Variants in LYPLAL1 observed in about 807,000 individuals in gnomAD.
LYPLAL1 encodes the protein lysophospholipase like 1, also known as lysophospholipase-like protein 1.
In LYPLAL1, 23 loss-of-function variants were observed where a neutral mutation model predicts 19.7. The ratio of observed to expected loss-of-function variants is 1.17; its 90% CI spans 0.84 to 1.65. The LOEUF is 1.65. LYPLAL1 is among the 40% of genes most tolerant of loss of function. LYPLAL1 has a pLI of 0.00. For missense variants in LYPLAL1, 355 were observed against 279.4 expected (o/e 1.27, Z -1.93); for synonymous variants, 119 against 96.3 (o/e 1.24, Z -1.38).
At chr1:219,283,627 T>G in the LYPLAL1 span, among the ~76,000 whole-genome samples, 1 of 152,220 alleles carries the variant, frequency 6.6e-6, no homozygotes, top group Admixed American at 6.5e-5. Context: ...TTAAAAGAGA[T>G]ATCATAGTGA....
the LYPLAL1 span, among the ~76,000 whole-genome samples, chr1:219,276,954 G>C: frequency 2.6e-5 from 4 of 152,264 alleles, no homozygotes; most frequent in African/African-American, 9.6e-5. Context: ...TTGCACCATG[G>C]ACTTGTGAAA....
the LYPLAL1 span, among the ~76,000 whole-genome samples, chr1:219,290,246 T>C: frequency 1.3e-5 from 2 of 152,212 alleles, no homozygotes; most frequent in Admixed American, 1.3e-4. Context: ...TTTCTCCTGC[T>C]AGTGTGCTTC....
the LYPLAL1 span, among the ~76,000 whole-genome samples, chr1:219,388,626 A>T: frequency 2.0e-5 from 3 of 152,126 alleles, no homozygotes; most frequent in African/African-American, 7.2e-5. Flanking sequence ...GAGGCATTGA[A>T]TACTGCAAAT....
the LYPLAL1 span, among the ~76,000 whole-genome samples, chr1:219,373,294 A>G: frequency 1.3e-5 from 2 of 152,234 alleles, no homozygotes; most frequent in Non-Finnish European, 2.9e-5. Context: ...AACCGCTCCC[A>G]TCACTTCCTT....
At position 219,182,508 on chromosome 1, in the gene LYPLAL1, C is replaced by T. The variant is rs146744407; in HGVS notation, c.191+3262C>T. Among the ~76,000 whole-genome samples, 100 of 152,140 alleles carry T rather than the reference C, an allele frequency of 6.6e-4. 1 individual carries two copies. Among genetic ancestry groups the T allele is most frequent in the South Asian group, 5.6e-3 (27 of 4,820 alleles). Reference sequence around the variant, plus strand: ...TCATCTACCTTGCTTGCTACCTTTCCGGTGACGTCAAAAGGAGGCATGTGA... The same window carrying T: ...TCATCTACCTTGCTTGCTACCTTTCTGGTGACGTCAAAAGGAGGCATGTGA... On this transcript the variant is annotated intron_variant, in intron 2 of 4. Transcript: ENST00000366928.
At chr1:219,265,129 G>T in the LYPLAL1 span, among the ~76,000 whole-genome samples, 3 of 152,142 alleles carry the variant, frequency 2.0e-5, no homozygotes, top group Non-Finnish European at 4.4e-5. Context: ...TAAAGAAAAA[G>T]AATGCCTGGA....
the LYPLAL1 span, among the ~76,000 whole-genome samples, chr1:219,422,162 G>A: frequency 2.0e-5 from 3 of 152,166 alleles, no homozygotes; most frequent in Non-Finnish European, 2.9e-5. Context: ...TTCTGTAAAA[G>A]GGCAATTAGT....
At chr1:219,321,848 G>A in the LYPLAL1 span, among the ~76,000 whole-genome samples, 1 of 152,090 alleles carries the variant, frequency 6.6e-6, no homozygotes, top group African/African-American at 2.4e-5. Context: ...GTGACAGAAC[G>A]GCACACCCTT....
At chr1:219,233,192 A>G in the LYPLAL1 span, among the ~76,000 whole-genome samples, 2 of 152,192 alleles carry the variant, frequency 1.3e-5, no homozygotes, top group African/African-American at 4.8e-5. Flanking sequence ...TTTAAAATGA[A>G]ATAACTTCTG....
chr1:219,433,819 G>T, the LYPLAL1 span, among the ~76,000 whole-genome samples: 1 of 152,186 alleles, frequency 6.6e-6, no homozygotes, highest in South Asian at 2.1e-4. Flanking sequence ...GATGAAATTA[G>T]TTCAACTGGT....
In LYPLAL1 at chr1:219,190,622, TAAAAA is replaced by T. The variant is rs35544870; in HGVS notation, c.192-2444_192-2440del. Reference sequence around the variant, plus strand: ...ATCAAATGTAGAGTCTTTTGTCCAGTAAAAAAAAAAAAAAAAAAAACCCTTAAGTA... The same window carrying T: ...ATCAAATGTAGAGTCTTTTGTCCAGTAAAAAAAAAAAAAAACCCTTAAGTA... On this transcript the variant is annotated intron_variant, in intron 2 of 4. Coordinates refer to ENST00000366928, the MANE Select transcript of LYPLAL1 (RefSeq NM_138794.5). 1.3e-4 allele frequency among the ~76,000 whole-genome samples: 11 copies of T among 86,012 alleles called. No homozygotes were observed. In the East Asian group the frequency reaches 3.9e-3, roughly 30 times the overall value. 56.4% of individuals were successfully genotyped at this position (86,012 alleles called of 152,430 possible).
the LYPLAL1 span, among the ~76,000 whole-genome samples, chr1:219,332,844 C>T: frequency 1.5e-5 from 2 of 131,174 alleles, no homozygotes; most frequent in Non-Finnish European, 3.2e-5. Context: ...CAAATTAAAC[C>T]AGATGGAAGG....
the LYPLAL1 span, among the ~76,000 whole-genome samples, chr1:219,306,781 G>GATAGATAGATAGATAC: frequency 6.7e-6 from 1 of 150,098 alleles, no homozygotes; most frequent in Non-Finnish European, 1.5e-5. Flanking sequence ...TAGATAGATA[G>GATAGATAGATAGATAC]ATAGATACAT....
chr1:219,336,198 A>G, the LYPLAL1 span, among the ~76,000 whole-genome samples: 1 of 151,716 alleles, frequency 6.6e-6, no homozygotes, highest in Non-Finnish European at 1.5e-5. Context: ...CAAGAGTTCT[A>G]TTAGCTACAC....
At chr1:219,376,001 A>G in the LYPLAL1 span, among the ~76,000 whole-genome samples, 387 of 152,198 alleles carry the variant, frequency 2.5e-3, 3 homozygotes, top group African/African-American at 8.0e-3. Flanking sequence ...TCGGCCTCCC[A>G]AAGTGCTGGG....
At chr1:219,405,873 A>G in the LYPLAL1 span, among the ~76,000 whole-genome samples, 17 of 152,136 alleles carry the variant, frequency 1.1e-4, no homozygotes, top group Non-Finnish European at 1.6e-4. Flanking sequence ...CTGTCTAATA[A>G]CCCCTAAATA....
At chr1:219,318,414 C>G in the LYPLAL1 span, among the ~76,000 whole-genome samples, 1 of 149,312 alleles carries the variant, frequency 6.7e-6, no homozygotes, top group East Asian at 2.1e-4. Flanking sequence ...AAACCATGAT[C>G]TCTTCTTCAC....
At chr1:219,293,536 G>C in the LYPLAL1 span, among the ~76,000 whole-genome samples, 1 of 151,518 alleles carries the variant, frequency 6.6e-6, no homozygotes, top group African/African-American at 2.4e-5. Context: ...ACAATTTGTT[G>C]TTTATTTAAA....
chr1:219,202,626 G>T (rs968504216), intron 3 of LYPLAL1, among the ~76,000 whole-genome samples: 1 of 152,172 alleles, frequency 6.6e-6, no homozygotes, highest in African/African-American at 2.4e-5. Flanking sequence ...AAATGCATTT[G>T]AGATTCCAAA....
Sources: allele counts gnomAD v4.1 joint callset (sites outside exome capture counted in the v4.1 genomes callset), GRCh38; gene constraint gnomAD v4.1.1; transcripts MANE v1.5; gene names NCBI Gene and HGNC (gene_info 2026-07-23, HGNC 2026-07-21).